AKAP13: variants seen among roughly 807,000 people sequenced by gnomAD.
AKAP13 encodes the protein A-kinase anchor protein 13.
Under a neutral mutation model 264.5 loss-of-function variants are expected in AKAP13, and 80 were observed. The observed-to-expected ratio is 0.30, with a 90% CI of 0.25 to 0.36. The LOEUF (loss-of-function observed/expected upper bound fraction) is 0.36, where lower values mean the gene tolerates loss of function less well. Ranked by LOEUF, AKAP13 falls within the 10% of genes least tolerant of loss-of-function variation. AKAP13 has a pLI of 1.00. For synonymous variants in AKAP13, 1,380 were observed against 1,250.2 expected (o/e 1.10, Z -2.19); for missense variants, 3,712 against 3,435.2 (o/e 1.08, Z -2.01).
At chr15:85,653,441 C>G (rs1302810415) in intron 10 of AKAP13, among the ~76,000 whole-genome samples, 1 of 152,138 alleles carries the variant, frequency 6.6e-6, no homozygotes, top group East Asian at 1.9e-4. Flanking sequence ...CCATACATTA[C>G]TTAAAAAACA....
intron 1 of AKAP13, among the ~76,000 whole-genome samples, chr15:85,438,203 A>G (rs949941813): frequency 7.0e-6 from 1 of 142,074 alleles, no homozygotes; most frequent in African/African-American, 2.8e-5. Context: ...ATCATGAGTG[A>G]ACTCCCATTC....
At chr15:85,678,989 C>T (rs1230086782) in intron 14 of AKAP13, among the ~76,000 whole-genome samples, 1 of 152,046 alleles carries the variant, frequency 6.6e-6, no homozygotes, top group African/African-American at 2.4e-5. Flanking sequence ...CCTGTAATCC[C>T]AGCACTTTTG....
chr15:85,640,549 T>C (rs542775131), intron 9 of AKAP13, among the ~76,000 whole-genome samples: 1 of 152,350 alleles, frequency 6.6e-6, no homozygotes, highest in East Asian at 1.9e-4. Flanking sequence ...TATTTTTGTC[T>C]CATTTTTTGA....
chr15:85,645,879 T>G lies in AKAP13; in HGVS notation c.4299T>G (p.Leu1433=). 6.2e-7 allele frequency: 1 copy of G among 1,613,902 alleles called. No individual in the cohort carries two copies. Among genetic ancestry groups the G allele is most frequent in the Non-Finnish European group, 8.5e-7 (1 of 1,179,952 alleles). The part of the protein sequence containing the change: ...GRECTSKQGV[L]KRESGSDSDL... ...AGTGTACCTCAAAACAAGGTGTACT[T>G]AAAAGAGAATCTGGGAGTGATTCTG... Residue 1433 remains leucine (L), a synonymous_variant, in exon 10 of 37, where the codon CTT becomes CTG. Transcript: ENST00000394518.
At chr15:85,425,300 A>G (rs1332983296) in intron 1 of AKAP13, among the ~76,000 whole-genome samples, 1 of 152,206 alleles carries the variant, frequency 6.6e-6, no homozygotes, top group Non-Finnish European at 1.5e-5. Flanking sequence ...TGTTATGTAT[A>G]AAAAGCCTGG....
chr15:85,645,966 A>G lies in AKAP13; in HGVS notation c.4374+12A>G, dbSNP rs2082541658. On this transcript the variant is annotated intron_variant, in intron 10 of 36. Coordinates refer to ENST00000394518, the MANE Select transcript of AKAP13 (RefSeq NM_007200.5). ...TCATCTTCCCAAAGGTACTGTGTGG[A>G]CCTTCCTTTCATTTTTGTCACACGG... is the stretch of plus-strand genomic sequence containing the variant. The G allele has an allele frequency of 3.8e-6, 6 of 1,598,822 alleles. No homozygotes were observed. The highest frequency in any genetic ancestry group is 4.3e-6 in the Non-Finnish European group (5 of 1,175,996).
At chr15:85,403,262 A>G (rs190305629) in intron 1 of AKAP13, among the ~76,000 whole-genome samples, 132 of 152,348 alleles carry the variant, frequency 8.7e-4, no homozygotes, top group African/African-American at 3.0e-3. Flanking sequence ...CAGAGATTAG[A>G]TTGTTTTATG....
rs1173170906 is a variant in AKAP13, at chr15:85,724,321, G to A, written c.6745+1001G>A. The stretch of plus-strand genomic sequence containing the variant: ...AGTTGAAATCAAAATGAAGAGCCTT[G>A]GAAAGAGATACCTGCTCTACAGTGT... On this transcript the variant is annotated intron_variant, in intron 26 of 36. Transcript: ENST00000394518. The surrounding 1 kb of genome is among the most constrained non-coding windows in gnomAD (Gnocchi z 4.2). 6.6e-6 allele frequency among the ~76,000 whole-genome samples: 1 copy of A among 152,182 alleles called. No homozygotes were observed. Among genetic ancestry groups the A allele is most frequent in the Non-Finnish European group, 1.5e-5 (1 of 68,044 alleles).
intron 14 of AKAP13, among the ~76,000 whole-genome samples, chr15:85,681,771 GACATTTA>G (rs1390297705): frequency 6.7e-6 from 1 of 149,072 alleles, no homozygotes; most frequent in Non-Finnish European, 1.5e-5. Flanking sequence ...GATAAAATAT[GACATTTA>G]ATTTCCTATT....
chr15:85,741,123 G>A lies in AKAP13; in HGVS notation c.7686G>A (p.Leu2562=), dbSNP rs1398904798. ...VLSERALTRS[L]SRPSSLIEQE... ...GCGAGAGGGCGCTCACTCGCAGCTT[G>A]TCCCGCCCGAGCTCCCTCATTGAGC... Residue 2562 remains leucine (L), a synonymous_variant, in exon 35 of 37, where the codon TTG becomes TTA. Coordinates refer to ENST00000394518, the MANE Select transcript of AKAP13 (RefSeq NM_007200.5). 6.2e-7 allele frequency: 1 copy of A among 1,613,660 alleles called. No homozygotes were observed. The highest frequency in any genetic ancestry group is 1.1e-5 in the South Asian group (1 of 91,058).
At chr15:85,713,553 C>CTTTTT (rs2086744065) in intron 19 of AKAP13, among the ~76,000 whole-genome samples, 1 of 103,442 alleles carries the variant, frequency 9.7e-6, no homozygotes, top group Non-Finnish European at 1.7e-5. Flanking sequence ...CCCACTTGCT[C>CTTTTT]TTTTTCTCTT....
Position 85,682,200 on chromosome 15 carries a change from A to C in AKAP13, c.5144A>C (p.Asn1715Thr). The C allele has an allele frequency of 6.2e-7, 1 of 1,613,442 alleles. No homozygotes were observed. The highest frequency in any genetic ancestry group is 8.5e-7 in the Non-Finnish European group (1 of 1,179,894). ...FHSTFHNTSA[N>T]LTESITEENY... ...AGTACCTTCCACAATACCAGTGCTA[A>C]TCTGACTGAGAGGTACTATAAATTT... The change falls in exon 15 of 37, where the codon AAT becomes ACT. Residue 1715 changes from asparagine (N) to threonine (T), a missense_variant. Asn to Thr is a moderately conservative substitution (Grantham distance 65, BLOSUM62 0). Transcript: ENST00000394518.
chr15:85,706,961 C>G (rs1416591966), intron 17 of AKAP13, among the ~76,000 whole-genome samples: 1 of 152,194 alleles, frequency 6.6e-6, no homozygotes, highest in East Asian at 1.9e-4. Flanking sequence ...CAGTCCCCCA[C>G]AAATCCATGT....
intron 4 of AKAP13, among the ~76,000 whole-genome samples, chr15:85,540,293 A>G (rs1333708235): frequency 6.6e-6 from 1 of 152,176 alleles, no homozygotes; most frequent in Non-Finnish European, 1.5e-5. Context: ...GGGGAAATCT[A>G]AGACCTGCTT....
chr15:85,559,525 A>G (rs1252108989), intron 5 of AKAP13, among the ~76,000 whole-genome samples: 2 of 152,196 alleles, frequency 1.3e-5, no homozygotes, highest in Admixed American at 6.5e-5. Context: ...ACAACTCACC[A>G]TAATGTAGAG....
rs541378791 is a variant in AKAP13 at position 85,580,485 on chromosome 15, C to T, written c.2417C>T (p.Pro806Leu). The T allele has an allele frequency of 1.2e-6, 2 of 1,614,164 alleles. No individual in the cohort carries two copies. Among genetic ancestry groups the T allele is most frequent in the Admixed American group, 3.3e-5 (2 of 60,026 alleles). ...AAGGATGACGCACTTTCTTTTGTCC[C>T]CTCCCAGAAAGAAAAGGGAACAGCA... Reference protein sequence around the residue: ...VTKDDALSFVPSQKEKGTATP... With the variant: ...VTKDDALSFVLSQKEKGTATP... Residue 806 changes from proline (P) to leucine (L), a missense_variant, in exon 7 of 37, where the codon CCC becomes CTC. Pro to Leu is a moderately conservative substitution (Grantham distance 98, BLOSUM62 -3). Around this residue, in one of 3 missense-constraint regions of AKAP13, gnomAD observed 2,759 missense variants for 2,411.7 expected, o/e 1.14. Transcript: ENST00000394518.
chr15:85,547,463 T>A (rs958058908), intron 5 of AKAP13, among the ~76,000 whole-genome samples: 1 of 152,240 alleles, frequency 6.6e-6, no homozygotes, highest in Non-Finnish European at 1.5e-5. Context: ...CTTGGACATA[T>A]AAGGATTCTC....
At chr15:85,642,510 G>A (rs2082353112) in intron 9 of AKAP13, among the ~76,000 whole-genome samples, 1 of 152,220 alleles carries the variant, frequency 6.6e-6, no homozygotes, top group Non-Finnish European at 1.5e-5. Flanking sequence ...CACAGGGTGT[G>A]GATTAGCTCT....
chr15:85,579,896 G>GATTTACCCTCA lies in AKAP13; in HGVS notation c.1828_1829insATTTACCCTCA (p.Gly610AspfsTer6). The GATTTACCCTCA allele has an allele frequency of 1.9e-6, 3 of 1,614,212 alleles. No homozygotes were observed. Among genetic ancestry groups the GATTTACCCTCA allele is most frequent in the Middle Eastern group, 3.3e-4 (2 of 6,062 alleles). ...AGAACCTTATACTCTCTTAGCAGCA[G>GATTTACCCTCA]GCATAGGTGAGGCAATGTCACCCTC... On this transcript the variant is annotated frameshift_variant, in exon 7 of 37. Transcript: ENST00000394518. LOFTEE classifies it high-confidence loss of function.
Sources: gnomAD v4.1 joint callset for allele counts (sites outside exome capture counted in the v4.1 genomes callset) on GRCh38, gnomAD v4.1.1 for gene constraint, gnomAD v4.1.1 regional missense constraint, Gnocchi (gnomAD v3.1) non-coding constraint, MANE v1.5 for transcripts, NCBI Gene and HGNC (gene_info 2026-07-23, HGNC 2026-07-21) for gene names.